The following KLRD1 variants were observed in gnomAD, a reference collection of about 807,000 sequenced individuals.
KLRD1 encodes natural killer cells antigen CD94.
In KLRD1, 21 loss-of-function variants were observed where a neutral mutation model predicts 22.6. That is an observed-to-expected ratio of 0.93 (90% confidence interval 0.66 to 1.34). The LOEUF (loss-of-function observed/expected upper bound fraction) is 1.34, where lower values mean the gene tolerates loss of function less well. KLRD1 is among the 40% of genes most tolerant of loss of function. KLRD1 has a pLI of 0.00. For missense variants in KLRD1, 183 were observed against 208.6 expected, an observed-to-expected ratio of 0.88 and a Z score of 0.76; for synonymous variants, 59 against 71.1, an observed-to-expected ratio of 0.83 and a Z score of 0.85.
intron 1 of KLRD1, among the ~76,000 whole-genome samples, chr12:10,246,093 T>G (rs1331108343): frequency 6.6e-6 from 1 of 152,228 alleles, no homozygotes; most frequent in Non-Finnish European, 1.5e-5. Flanking sequence ...GAGGGCAAAT[T>G]TTATAATATC....
At position 10,317,430 on chromosome 12, in the gene KLRD1, T is replaced by G. The variant is rs1600126; in HGVS notation, c.*2637T>G. On this transcript the variant is annotated 3_prime_UTR_variant, in exon 6 of 6. Coordinates refer to ENST00000336164, the MANE Select transcript of KLRD1 (RefSeq NM_002262.5). ...TTCATGGTCCAGGATATGGGCCATG[T>G]GCTAAACTATTACCAGACACCTGCA... 0.47 allele frequency: 70,708 copies of G among 151,988 alleles called. 17,119 individuals carry two copies. The highest frequency in any genetic ancestry group is 0.6 in the African/African-American group (24,844 of 41,406). The allele number at this position is 151,988 out of a possible 1,614,324, so 9.4% of individuals were successfully genotyped here.
chr12:10,265,346 TACTC>T (rs1949489408), intron 1 of KLRD1, among the ~76,000 whole-genome samples: 2 of 152,346 alleles, frequency 1.3e-5, no homozygotes, highest in African/African-American at 4.8e-5. Flanking sequence ...CATGTGAAAT[TACTC>T]ACAGCTTTAT....
At chr12:10,250,649 C>G (rs970571117) in intron 1 of KLRD1, among the ~76,000 whole-genome samples, 2 of 151,858 alleles carry the variant, frequency 1.3e-5, no homozygotes, top group Admixed American at 1.3e-4. Context: ...CCAAAGTTTT[C>G]TGCTTGACCT....
rs565631164 is a variant in KLRD1, at chr12:10,269,999, C to T, written c.-100-37979C>T. On this transcript the variant is annotated intron_variant, in intron 1 of 5. Coordinates refer to the KLRD1 transcript ENST00000544747. ...CTTTCAAATGATCTGAACTTAATGC[C>T]ATAATAAGTTAACTTTTAACTGCCA... Among the ~76,000 whole-genome samples, 34 of 152,128 alleles carry T rather than the reference C, an allele frequency of 2.2e-4. No individual in the cohort carries two copies. The East Asian group carries it at 5.2e-3, about 23-fold the overall frequency.
chr12:10,283,387 A>G (rs191766514), intron 1 of KLRD1, among the ~76,000 whole-genome samples: 15 of 152,338 alleles, frequency 9.8e-5, no homozygotes, highest in Admixed American at 9.1e-4. Context: ...TGAGGAGCGG[A>G]GAGTGGGGAT....
chr12:10,302,272 T>A, upstream of KLRD1, among the ~76,000 whole-genome samples: 1 of 152,112 alleles, frequency 6.6e-6, no homozygotes, highest in East Asian at 1.9e-4. Flanking sequence ...ATAAAGTAGG[T>A]TGCAATAAAA....
intron 1 of KLRD1, among the ~76,000 whole-genome samples, chr12:10,272,087 G>T (rs1174033422): frequency 3.3e-5 from 5 of 152,098 alleles, no homozygotes; most frequent in Admixed American, 3.3e-4. Context: ...AGTAAAATTG[G>T]AAATAGAAGC....
chr12:10,244,071 C>T (rs907658736), intron 1 of KLRD1, among the ~76,000 whole-genome samples: 4 of 151,900 alleles, frequency 2.6e-5, no homozygotes, highest in African/African-American at 9.7e-5. Context: ...CTGAAATGGT[C>T]GAAGAATAGT....
intron 1 of KLRD1, among the ~76,000 whole-genome samples, chr12:10,297,802 C>T (rs1250946072): frequency 6.6e-6 from 1 of 152,160 alleles, no homozygotes; most frequent in African/African-American, 2.4e-5. Flanking sequence ...AGTGAAAGTC[C>T]TTTGCCTCTT....
rs567787780 is a variant in KLRD1, at chr12:10,243,113, GGGGGAAAGAGAAT to G, written c.-101+16886_-101+16898del. Among the ~76,000 whole-genome samples, 131 of 152,142 alleles carry G rather than the reference GGGGGAAAGAGAAT, an allele frequency of 8.6e-4. 5 individuals carry two copies. In the South Asian group the frequency reaches 0.026, roughly 30 times the overall value. On this transcript the variant is annotated intron_variant, in intron 1 of 5. Coordinates refer to the KLRD1 transcript ENST00000544747. ...TAGAAGTAGGTTGTTACTAGAGACTGGGGGAAAGAGAATGGGGAGATGATGGTCATATGGTACA... is the reference window on the plus strand; with the variant it reads ...TAGAAGTAGGTTGTTACTAGAGACTGGGGGAGATGATGGTCATATGGTACA...
chr12:10,304,494 C>T (rs1343482070), upstream of KLRD1: 1 of 152,120 alleles, frequency 6.6e-6, no homozygotes, highest in Non-Finnish European at 1.5e-5. Flanking sequence ...GATCTCAGCT[C>T]ATCAAGTTCA....
intron 3 of KLRD1, among the ~76,000 whole-genome samples, chr12:10,311,056 C>A (rs1367792583): frequency 6.6e-6 from 1 of 152,148 alleles, no homozygotes; most frequent in Non-Finnish European, 1.5e-5. Flanking sequence ...ATGTTTTCCT[C>A]CTTTAAATCT....
chr12:10,309,828 C>T, intron 3 of KLRD1, 140 bp downstream of exon 3: 1 of 638,972 alleles, frequency 1.6e-6, no homozygotes, highest in South Asian at 2.0e-5. Flanking sequence ...TCTCATTTTA[C>T]ATTGCTCAAT....
At chr12:10,271,073 C>G (rs1036411633) in intron 1 of KLRD1, among the ~76,000 whole-genome samples, 2 of 150,228 alleles carry the variant, frequency 1.3e-5, no homozygotes, top group Non-Finnish European at 3.0e-5. Flanking sequence ...CGTGAGCCAC[C>G]GCAGCCGCCT....
At chr12:10,311,768 CA>C in intron 4 of KLRD1, 153 bp downstream of exon 4, 1 of 557,020 alleles carries the variant, frequency 1.8e-6, no homozygotes. Flanking sequence ...TTAAAGTAGT[CA>C]TTGTAAAATC....
In KLRD1 at chr12:10,287,164, T is replaced by A. The variant is rs539277875; in HGVS notation, c.-100-20814T>A. On this transcript the variant is annotated intron_variant, in intron 1 of 5. Coordinates refer to the KLRD1 transcript ENST00000544747. Reference sequence around the variant, plus strand: ...ACAAAAACAAAACCCTCTTTTTTTTTATTGTTTATCTGTTTGTGTTTTTTT... The same window carrying A: ...ACAAAAACAAAACCCTCTTTTTTTTAATTGTTTATCTGTTTGTGTTTTTTT... Among the ~76,000 whole-genome samples, 1,005 of 151,150 alleles carry A rather than the reference T, an allele frequency of 6.6e-3. 11 individuals are homozygous for A. Among genetic ancestry groups the A allele is most frequent in the Non-Finnish European group, 8.4e-3 (569 of 67,738 alleles).
At chr12:10,290,414 T>G (rs767506884) in intron 1 of KLRD1, among the ~76,000 whole-genome samples, 1 of 152,228 alleles carries the variant, frequency 6.6e-6, no homozygotes, top group Non-Finnish European at 1.5e-5. Context: ...TCTTTAACTC[T>G]AGGAATAATC....
rs1364977087 is a variant in KLRD1, at chr12:10,254,252, C to A, written c.-101+28019C>A. On this transcript the variant is annotated intron_variant, in intron 1 of 5. Coordinates refer to the KLRD1 transcript ENST00000544747. ...GACCATTCTGGGTAACGTGGTGAAACCCCGTCTCTACTAAAAATACAAAAA... is the reference window on the plus strand; with the variant it reads ...GACCATTCTGGGTAACGTGGTGAAAACCCGTCTCTACTAAAAATACAAAAA... Among the ~76,000 whole-genome samples the A allele has an allele frequency of 3.3e-5, 5 of 151,600 alleles. No homozygotes were observed. The South Asian group carries it at 6.3e-4, about 19-fold the overall frequency.
intron 1 of KLRD1, among the ~76,000 whole-genome samples, chr12:10,267,659 TCTC>T (rs1005451427): frequency 2.0e-5 from 3 of 152,270 alleles, no homozygotes; most frequent in East Asian, 1.9e-4. Context: ...TAATTAGACT[TCTC>T]CTTTTACCTG....
Sources: gnomAD v4.1 joint callset for allele counts (sites outside exome capture counted in the v4.1 genomes callset) on GRCh38, gnomAD v4.1.1 for gene constraint, MANE v1.5 for transcripts, NCBI Gene and HGNC (gene_info 2026-07-23, HGNC 2026-07-21) for gene names.